Variants in RASGRP2 observed in about 807,000 individuals in gnomAD.
RASGRP2 encodes the protein RAS guanyl releasing protein 2.
RASGRP2 carries 44 observed loss-of-function variants against 71.0 expected under a neutral mutation model. The ratio of observed to expected loss-of-function variants is 0.62; its 90% CI spans 0.49 to 0.80. The LOEUF (loss-of-function observed/expected upper bound fraction) is 0.80, where lower values mean the gene tolerates loss of function less well. RASGRP2 is among the 30% of genes least tolerant of loss of function. RASGRP2 has a pLI of 0.00. For synonymous variants in RASGRP2, 350 were observed against 330.7 expected, an observed-to-expected ratio of 1.06 and a Z score of -0.63; for missense variants, 663 against 813.4, an observed-to-expected ratio of 0.82 and a Z score of 2.25.
chr11:64,735,186 G>C lies in RASGRP2; in HGVS notation c.1338C>G (p.Ile446Met). ...RNFDVDGDGH[I>M]SQEEFQIIRG... ...GGATGATCTGGAATTCTTCCTGTGA[G>C]ATGTGGCCATCCCCATCGACGTCAA... Residue 446 changes from isoleucine (I) to methionine (M), a missense_variant, in exon 12 of 17, where the codon ATC (isoleucine) becomes ATG (methionine). Physicochemically the swap from Ile to Met is conservative, Grantham distance 10. Transcript: ENST00000394432. This position sits in a 1 kb window ranked among gnomAD's most constrained non-coding sequence, Gnocchi z 4.2. 6.2e-7 allele frequency: 1 copy of C among 1,614,220 alleles called. No homozygotes were observed. Among genetic ancestry groups the C allele is most frequent in the Non-Finnish European group, 8.5e-7 (1 of 1,180,032 alleles).
intron 12 of RASGRP2, among the ~76,000 whole-genome samples, 176 bp from the exon 13 acceptor site, chr11:64,730,370 C>G (rs899823256): frequency 6.6e-6 from 1 of 152,156 alleles, no homozygotes; most frequent in Non-Finnish European, 1.5e-5. Flanking sequence ...GGAAGTGCCG[C>G]TAACCAGTGT....
chr11:64,740,788 T>A (rs1346943748), intron 5 of RASGRP2, 160 bp downstream of exon 5: 1 of 919,376 alleles, frequency 1.1e-6, no homozygotes, highest in Non-Finnish European at 1.8e-6. Context: ...AACGCCAAGC[T>A]GCCCAGAGGA....
At chr11:64,727,387 C>G (rs2057600250) in intron 15 of RASGRP2, 27 bp from the exon 16 acceptor site, 2 of 1,612,344 alleles carry the variant, frequency 1.2e-6, no homozygotes, top group Non-Finnish European at 1.7e-6. Flanking sequence ...TGCTGCAGAA[C>G]ACACTTCCAG....
intron 12 of RASGRP2, among the ~76,000 whole-genome samples, chr11:64,730,529 C>T (rs1355642284): frequency 6.6e-6 from 1 of 152,236 alleles, no homozygotes; most frequent in African/African-American, 2.4e-5. Context: ...GTGTGCAACA[C>T]CAGTCGGGAG....
Position 64,730,180 on chromosome 11 carries a change from C to T in RASGRP2, c.1427G>A (p.Ser476Asn). ...DLDQNQDGCI[S>N]REEMVSYFLR... ...GAAATAGGAAACCATCTCCTCCCTGCTGATGCAGCCATCCCTGTGGGGAGT... is the reference window on the plus strand; with the variant it reads ...GAAATAGGAAACCATCTCCTCCCTGTTGATGCAGCCATCCCTGTGGGGAGT... The change falls in exon 13 of 17, where the codon AGC becomes AAC. Residue 476 changes from serine to asparagine, a missense_variant. Coordinates refer to ENST00000394432, the MANE Select transcript of RASGRP2 (RefSeq NM_001098671.2). 1 of 1,551,668 alleles carries T rather than the reference C, an allele frequency of 6.4e-7. No homozygotes were observed. The highest frequency in any genetic ancestry group is 8.7e-7 in the Non-Finnish European group (1 of 1,147,008).
rs759640692 is a variant in RASGRP2 at position 64,735,237 on chromosome 11, G to T, written c.1297-10C>A. ...AGTTCCGGAACACAGACTGGGGCAC[G>T]CAGAGGGACACGCAGAGCCAGAAGA... On this transcript the variant is annotated splice_polypyrimidine_tract_variant and intron_variant, in intron 11 of 16. Coordinates refer to ENST00000394432, the MANE Select transcript of RASGRP2 (RefSeq NM_001098671.2). This position sits in a 1 kb window ranked among gnomAD's most constrained non-coding sequence, Gnocchi z 4.2. 2.5e-6 allele frequency: 4 copies of T among 1,602,578 alleles called. No homozygotes were observed. Among genetic ancestry groups the T allele is most frequent in the Non-Finnish European group, 3.4e-6 (4 of 1,169,552 alleles).
At chr11:64,732,398 C>T (rs2057790915) in intron 12 of RASGRP2, among the ~76,000 whole-genome samples, 1 of 152,246 alleles carries the variant, frequency 6.6e-6, no homozygotes, top group African/African-American at 2.4e-5. Context: ...GTGGCTCACG[C>T]CTATAATCCC....
chr11:64,736,854 C>A lies in RASGRP2; in HGVS notation c.994G>T (p.Ala332Ser). The change falls in exon 9 of 17, where the codon GCC becomes TCC. Residue 332 changes from alanine to serine, a missense_variant. Physicochemically the swap from Ala to Ser is moderately conservative, Grantham distance 99. Coordinates refer to ENST00000394432, the MANE Select transcript of RASGRP2 (RefSeq NM_001098671.2). Reference protein sequence around the residue: ...LDPARTRLNGAKMKQLFSILE... With the variant: ...LDPARTRLNGSKMKQLFSILE... ...ATGCTAAAGAGCTGCTTCATCTTGG[C>A]CCCGTTGAGCCGGGTCCGGGCTGGG... 1.2e-6 allele frequency: 2 copies of A among 1,613,598 alleles called. No individual in the cohort carries two copies. Among genetic ancestry groups the A allele is most frequent in the Non-Finnish European group, 1.7e-6 (2 of 1,180,004 alleles).
At chr11:64,727,242 G>A in intron 16 of RASGRP2, 54 bp downstream of exon 16, 2 of 1,524,802 alleles carry the variant, frequency 1.3e-6, no homozygotes. Flanking sequence ...ATACTCCCCA[G>A]CTCCCCCCCA....
chr11:64,742,250 C>A lies in RASGRP2; in HGVS notation c.74-138G>T. 1.4e-6 allele frequency: 1 copy of A among 728,742 alleles called. No individual in the cohort carries two copies. The highest frequency in any genetic ancestry group is 2.0e-5 in the Admixed American group (1 of 49,504). The allele number at this position is 728,742 out of a possible 1,614,324, so 45.1% of individuals were successfully genotyped here. ...CCCACCTCCTGCTTGCCCAGGACTCCGAGAGCAGGAGGCAAATTAGAGAGG... is the reference window on the plus strand; with the variant it reads ...CCCACCTCCTGCTTGCCCAGGACTCAGAGAGCAGGAGGCAAATTAGAGAGG... On this transcript the variant is annotated intron_variant, in intron 2 of 16. Coordinates refer to ENST00000394432, the MANE Select transcript of RASGRP2 (RefSeq NM_001098671.2). This position sits in a 1 kb window ranked among gnomAD's most constrained non-coding sequence, Gnocchi z 4.7.
intron 12 of RASGRP2, among the ~76,000 whole-genome samples, chr11:64,732,966 G>GA (rs571941216): frequency 6.8e-6 from 1 of 147,618 alleles, no homozygotes; most frequent in Non-Finnish European, 1.5e-5. Flanking sequence ...AAAAGGAAAA[G>GA]AAAAAAAAAT....
At chr11:64,728,267 A>G (rs1436175566) in intron 15 of RASGRP2, among the ~76,000 whole-genome samples, 3 of 152,172 alleles carry the variant, frequency 2.0e-5, no homozygotes, top group Admixed American at 6.5e-5. Flanking sequence ...ACCTTCTCCA[A>G]TCCTTTGTTA....
Position 64,730,056 on chromosome 11 carries a change from G to A in RASGRP2, c.1551C>T (p.Ala517=), listed in dbSNP as rs1365146371. 4 of 1,552,104 alleles carry A rather than the reference G, an allele frequency of 2.6e-6. No homozygotes were observed. The highest frequency in any genetic ancestry group is 1.2e-5 in the South Asian group (1 of 84,160). Residue 517 remains alanine, a synonymous_variant, in exon 13 of 17, where the codon GCC becomes GCT. Coordinates refer to ENST00000394432, the MANE Select transcript of RASGRP2 (RefSeq NM_001098671.2). ...LRPVACRHCK[A]LILGIYKQGL... Reference sequence around the variant, plus strand: ...GAGCCGGGAAAGGGACTCTCACCAGGGCTTTGCAGTGGCGGCAGGCGACGG... The same window carrying A: ...GAGCCGGGAAAGGGACTCTCACCAGAGCTTTGCAGTGGCGGCAGGCGACGG...
Position 64,735,958 on chromosome 11 carries a change from G to C in RASGRP2, c.1118C>G (p.Thr373Arg), listed in dbSNP as rs139499587. 6.2e-7 allele frequency: 1 copy of C among 1,613,936 alleles called. No homozygotes were observed. Among genetic ancestry groups the C allele is most frequent in the Non-Finnish European group, 8.5e-7 (1 of 1,179,950 alleles). Residue 373 changes from threonine (T) to arginine (R), a missense_variant, in exon 10 of 17, where the codon ACG becomes AGG. By Grantham distance (71) the Thr-to-Arg change is moderately conservative (BLOSUM62 -1). Transcript: ENST00000394432. This position sits in a 1 kb window ranked among gnomAD's most constrained non-coding sequence, Gnocchi z 4.2. ...LLTVSLDQYQTEDELYQLSLQ... is the reference protein window; with the variant it reads ...LLTVSLDQYQREDELYQLSLQ... ...GGACAGCTGGTACAGCTCATCCTCC[G>C]TCTGATACTGATCCAGAGACACCTG... is the stretch of plus-strand genomic sequence containing the variant.
Position 64,735,699 on chromosome 11 carries a change from G to C in RASGRP2, c.1174-35C>G, listed in dbSNP as rs942987268. On this transcript the variant is annotated intron_variant, in intron 10 of 16. Transcript: ENST00000394432. The surrounding 1 kb of genome is among the most constrained non-coding windows in gnomAD (Gnocchi z 4.2). ...TGGTCGGGCCTGAGCTAGGGCCAGA[G>C]GCAGGGGAAGCCCAGAGCCCCGGGG... 2.5e-6 allele frequency: 4 copies of C among 1,592,100 alleles called. No individual in the cohort carries two copies. Among genetic ancestry groups the C allele is most frequent in the Non-Finnish European group, 3.4e-6 (4 of 1,170,866 alleles).
At chr11:64,737,696 G>T in intron 8 of RASGRP2, among the ~76,000 whole-genome samples, 1 of 109,906 alleles carries the variant, frequency 9.1e-6, no homozygotes, top group Non-Finnish European at 1.9e-5. Flanking sequence ...AAAAAAAAAA[G>T]AAAGAAAAAG....
chr11:64,734,978 C>T (rs920403740), intron 12 of RASGRP2, 134 bp downstream of exon 12: 3 of 747,530 alleles, frequency 4.0e-6, no homozygotes, highest in Non-Finnish European at 7.1e-6. Flanking sequence ...AGCAAGTGCC[C>T]TTTCCCACAC....
In RASGRP2 at chr11:64,736,736, T is replaced by TG. The variant is rs1491390437; in HGVS notation, c.1095+16dup. 2 of 1,565,000 alleles carry TG rather than the reference T, an allele frequency of 1.3e-6. No homozygotes were observed. Among genetic ancestry groups the TG allele is most frequent in the South Asian group, 2.3e-5 (2 of 85,734 alleles). The stretch of plus-strand genomic sequence containing the variant: ...CCTGGTGCCCAGCTCCCCACCTCCC[T>TG]GCCCCCTGCTCCTCACCGTGAGCAG... On this transcript the variant is annotated intron_variant, in intron 9 of 16. Transcript: ENST00000394432.
chr11:64,742,598 G>A lies in RASGRP2; in HGVS notation c.73+196C>T. 1.4e-6 allele frequency: 1 copy of A among 740,434 alleles called. No individual in the cohort carries two copies. The highest frequency in any genetic ancestry group is 2.2e-6 in the Non-Finnish European group (1 of 450,872). 45.9% of individuals were successfully genotyped at this position (740,434 alleles called of 1,614,324 possible). On this transcript the variant is annotated intron_variant, in intron 2 of 16. Coordinates refer to ENST00000394432, the MANE Select transcript of RASGRP2 (RefSeq NM_001098671.2). The surrounding 1 kb of genome is among the most constrained non-coding windows in gnomAD (Gnocchi z 4.7). Reference sequence around the variant, plus strand: ...CCGCCGCTGGGGAAGGCTAGAGAAGGGAAACCTCATCTGTCTGAAGGGCGT... The same window carrying A: ...CCGCCGCTGGGGAAGGCTAGAGAAGAGAAACCTCATCTGTCTGAAGGGCGT...
Sources: gnomAD v4.1 joint callset for allele counts (sites outside exome capture counted in the v4.1 genomes callset) on GRCh38, gnomAD v4.1.1 for gene constraint, Gnocchi (gnomAD v3.1) non-coding constraint, MANE v1.5 for transcripts, NCBI Gene and HGNC (gene_info 2026-07-23, HGNC 2026-07-21) for gene names.